Variants in TBC1D22A observed in about 807,000 individuals in gnomAD.
TBC1D22A encodes putative GTPase activator.
Under a neutral mutation model 60.2 loss-of-function variants are expected in TBC1D22A, and 38 were observed. That is an observed-to-expected ratio of 0.63 (90% CI 0.49 to 0.83). The LOEUF is 0.83. Among genes scored for constraint, TBC1D22A ranks in the 40% least tolerant of loss-of-function variants. TBC1D22A has a pLI of 0.00. For missense variants in TBC1D22A, 628 were observed against 701.0 expected, an observed-to-expected ratio of 0.90 and a Z score of 1.18; for synonymous variants, 302 against 281.7, an observed-to-expected ratio of 1.07 and a Z score of -0.72.
chr22:47,051,584 G>A (rs927752637), intron 11 of TBC1D22A, among the ~76,000 whole-genome samples: 5 of 152,118 alleles, frequency 3.3e-5, no homozygotes, highest in African/African-American at 9.7e-5. Flanking sequence ...GGAGGGCTGG[G>A]CCAGCCATGC....
intron 4 of TBC1D22A, among the ~76,000 whole-genome samples, chr22:46,840,890 C>T (rs1298715629): frequency 2.0e-5 from 3 of 152,092 alleles, no homozygotes; most frequent in Non-Finnish European, 4.4e-5. Context: ...GTCAGATGAT[C>T]CAGCAATCCC....
chr22:47,065,628 G>A (rs1472418160), intron 11 of TBC1D22A, among the ~76,000 whole-genome samples: 3 of 152,268 alleles, frequency 2.0e-5, no homozygotes, highest in African/African-American at 4.8e-5. Flanking sequence ...GACTTAGCAG[G>A]CCTCGGAGTT....
chr22:47,037,489 A>C (rs2062695332), intron 11 of TBC1D22A, among the ~76,000 whole-genome samples: 2 of 152,106 alleles, frequency 1.3e-5, no homozygotes, highest in African/African-American at 4.8e-5. Context: ...AAAATTAGCC[A>C]AGTGTGGTGG....
At chr22:46,773,266 G>A (rs975996781) in intron 1 of TBC1D22A, among the ~76,000 whole-genome samples, 1 of 152,228 alleles carries the variant, frequency 6.6e-6, no homozygotes, top group African/African-American at 2.4e-5. Context: ...GGTGGGGAAT[G>A]TCACCGTGCT....
intron 11 of TBC1D22A, among the ~76,000 whole-genome samples, chr22:47,064,110 G>A (rs777772851): frequency 2.2e-4 from 33 of 152,246 alleles, no homozygotes; most frequent in African/African-American, 6.8e-4. Flanking sequence ...CACCAGGACC[G>A]GGGCTTGAGG....
Position 47,173,672 on chromosome 22 carries a change from C to G in TBC1D22A, c.*46C>G. On this transcript the variant is annotated 3_prime_UTR_variant, in exon 13 of 13. Transcript: ENST00000337137. ...GGCCTCACTGTCCCGGGTGGCGCGC[C>G]CCACCTGCCTGGCTGGTGGTAGGCC... 6.2e-7 allele frequency: 1 copy of G among 1,606,560 alleles called. No individual in the cohort carries two copies. The highest frequency in any genetic ancestry group is 1.3e-5 in the African/African-American group (1 of 74,844).
chr22:46,852,182 G>A (rs912367945), intron 4 of TBC1D22A, among the ~76,000 whole-genome samples: 2 of 152,212 alleles, frequency 1.3e-5, no homozygotes, highest in East Asian at 3.9e-4. Flanking sequence ...TTGTATCTGT[G>A]TAAGCCCTTG....
chr22:46,902,974 G>GT (rs2069115113), intron 7 of TBC1D22A, among the ~76,000 whole-genome samples: 1 of 151,560 alleles, frequency 6.6e-6, no homozygotes, highest in Non-Finnish European at 1.5e-5. Context: ...GGAGAAGACA[G>GT]CCCGAGGAGG....
intron 7 of TBC1D22A, among the ~76,000 whole-genome samples, chr22:46,904,020 G>GA (rs142448268): frequency 0.03 from 4,479 of 151,528 alleles, 72 homozygotes; most frequent in South Asian, 0.078. Context: ...TGCTTATTTG[G>GA]AAAAAAATGA....
At chr22:46,883,467 G>A (rs944394718) in intron 5 of TBC1D22A, among the ~76,000 whole-genome samples, 15 of 152,186 alleles carry the variant, frequency 9.9e-5, no homozygotes, top group Non-Finnish European at 2.2e-4. Context: ...GCATATGTGT[G>A]TTTTCCTTTA....
intron 4 of TBC1D22A, among the ~76,000 whole-genome samples, chr22:46,846,169 C>T (rs545238242): frequency 2.0e-5 from 3 of 152,324 alleles, no homozygotes; most frequent in South Asian, 2.1e-4. Context: ...TTTCTCCCCT[C>T]TCCTGTTACT....
intron 12 of TBC1D22A, among the ~76,000 whole-genome samples, chr22:47,121,550 G>A (rs1210281880): frequency 6.6e-6 from 1 of 152,134 alleles, no homozygotes; most frequent in Non-Finnish European, 1.5e-5. Flanking sequence ...AGCATGACCT[G>A]AAATTGTATA....
At chr22:46,843,181 T>C (rs1250813689) in intron 4 of TBC1D22A, among the ~76,000 whole-genome samples, 10 of 152,214 alleles carry the variant, frequency 6.6e-5, no homozygotes, top group African/African-American at 2.2e-4. Context: ...TGCTCGCCTT[T>C]AGCTCAGGGT....
intron 4 of TBC1D22A, among the ~76,000 whole-genome samples, chr22:46,818,441 G>T (rs565348951): frequency 6.6e-6 from 1 of 152,190 alleles, no homozygotes; most frequent in Non-Finnish European, 1.5e-5. Context: ...TATAAGGAAG[G>T]GGTCCAGTTG....
rs182921297 is a variant in TBC1D22A at position 46,954,339 on chromosome 22, T to G, written c.1016-19951T>G. On this transcript the variant is annotated intron_variant, in intron 8 of 12. Transcript: ENST00000337137. Reference sequence around the variant, plus strand: ...GATTAAGAAACGTGATGCGTGTATGTGAGTACTGCGGTCAACACTGGGAAG... The same window carrying G: ...GATTAAGAAACGTGATGCGTGTATGGGAGTACTGCGGTCAACACTGGGAAG... Among the ~76,000 whole-genome samples, 290 of 152,378 alleles carry G rather than the reference T, an allele frequency of 1.9e-3. 2 individuals carry two copies. Among genetic ancestry groups the G allele is most frequent in the African/African-American group, 6.7e-3 (278 of 41,586 alleles).
At chr22:47,082,452 G>C (rs775583722) in intron 11 of TBC1D22A, among the ~76,000 whole-genome samples, 1 of 152,102 alleles carries the variant, frequency 6.6e-6, no homozygotes, top group Non-Finnish European at 1.5e-5. Context: ...ATAGTCAAAG[G>C]ACAGACAGGG....
chr22:46,898,061 A>G (rs1457451502), intron 7 of TBC1D22A, among the ~76,000 whole-genome samples: 4 of 152,186 alleles, frequency 2.6e-5, no homozygotes, highest in Non-Finnish European at 5.9e-5. Context: ...AAAATGAGAT[A>G]ATTTGTTATA....
intron 11 of TBC1D22A, among the ~76,000 whole-genome samples, chr22:47,042,793 C>T (rs948294143): frequency 3.9e-5 from 6 of 152,234 alleles, no homozygotes; most frequent in Non-Finnish European, 8.8e-5. Context: ...GTTCTGCTGC[C>T]GCTGGTGCAT....
At chr22:46,919,081 T>C (rs1485132273) in intron 8 of TBC1D22A, among the ~76,000 whole-genome samples, 2 of 152,198 alleles carry the variant, frequency 1.3e-5, no homozygotes, top group African/African-American at 4.8e-5. Flanking sequence ...AGTGTAACCA[T>C]CAGCACCTTT....
Sources: gnomAD v4.1 joint callset for allele counts (sites outside exome capture counted in the v4.1 genomes callset) on GRCh38, gnomAD v4.1.1 for gene constraint, MANE v1.5 for transcripts, NCBI Gene and HGNC (gene_info 2026-07-23, HGNC 2026-07-21) for gene names.